Variants in BTBD8 observed in about 807,000 individuals in gnomAD.
The protein encoded by BTBD8 is BTB domain containing 8, also known as BTB/POZ domain-containing protein 8.
In BTBD8, 110 loss-of-function variants were observed where a neutral mutation model predicts 162.9. The observed-to-expected ratio is 0.68, with a 90% CI of 0.58 to 0.79. The LOEUF is 0.79. Among genes scored for constraint, BTBD8 ranks in the 30% least tolerant of loss-of-function variants. The pLI is 0.00. For synonymous variants in BTBD8, 667 were observed against 716.1 expected (o/e 0.93, Z 1.10); for missense variants, 1,905 against 2,085.4 (o/e 0.91, Z 1.68).
In BTBD8 at chr1:92,174,837, T is replaced by G. The variant is rs192141379; in HGVS notation, c.1636-1992T>G. Reference sequence around the variant, plus strand: ...AAAACTAGGACAAGAATCTAGTGGTTGTTTTATCACCGTGCTTTCCTTTTT... The same window carrying G: ...AAAACTAGGACAAGAATCTAGTGGTGGTTTTATCACCGTGCTTTCCTTTTT... On this transcript the variant is annotated intron_variant, in intron 13 of 17. Coordinates refer to ENST00000636805, the MANE Select transcript of BTBD8 (RefSeq NM_001376131.1). 1.8e-3 allele frequency among the ~76,000 whole-genome samples: 266 copies of G among 147,718 alleles called. 3 individuals carry two copies. The highest frequency in any genetic ancestry group is 6.5e-3 in the African/African-American group (243 of 37,340).
intron 1 of BTBD8, among the ~76,000 whole-genome samples, chr1:92,086,947 G>T (rs1648178319): frequency 6.6e-6 from 1 of 152,146 alleles, no homozygotes; most frequent in Non-Finnish European, 1.5e-5. Flanking sequence ...ACTAAGATAG[G>T]TGAATACAGT....
chr1:92,178,301 A>C lies in BTBD8; in HGVS notation c.2442-11A>C. The C allele has an allele frequency of 6.5e-7, 1 of 1,541,218 alleles. No individual in the cohort carries two copies. Among genetic ancestry groups the C allele is most frequent in the Non-Finnish European group, 8.8e-7 (1 of 1,141,858 alleles). ...CTAAGTGTAATACTGAATGCAAATA[A>C]TTTTTTTTAGTGTACTAAAGAAAGT... On this transcript the variant is annotated splice_polypyrimidine_tract_variant and intron_variant, in intron 15 of 17. Coordinates refer to ENST00000636805, the MANE Select transcript of BTBD8 (RefSeq NM_001376131.1).
Position 92,182,361 on chromosome 1 carries a change from A to G in BTBD8, c.4678A>G (p.Ser1560Gly). ...LREDKKVNNG[S>G]NVENDIQQRS... is the part of the protein sequence containing the mutation. ...AGAAGATAAAAAAGTAAACAATGGA[A>G]GCAATGTGGAAAATGACATTCAGCA... The change falls in exon 17 of 18, where the codon AGC (serine) becomes GGC (glycine). Residue 1560 changes from serine to glycine, a missense_variant. Around this residue, in one of 3 missense-constraint regions of BTBD8, gnomAD observed 517 missense variants for 606.6 expected, o/e 0.85. Coordinates refer to ENST00000636805, the MANE Select transcript of BTBD8 (RefSeq NM_001376131.1). 2 of 1,550,466 alleles carry G rather than the reference A, an allele frequency of 1.3e-6. No homozygotes were observed. Among genetic ancestry groups the G allele is most frequent in the Non-Finnish European group, 1.7e-6 (2 of 1,146,630 alleles).
At chr1:92,149,126 T>C (rs1339237589) in intron 9 of BTBD8, among the ~76,000 whole-genome samples, 2 of 152,180 alleles carry the variant, frequency 1.3e-5, no homozygotes, top group Non-Finnish European at 2.9e-5. Context: ...CATGAGGAGT[T>C]ATAGAAGTGA....
At chr1:92,102,805 T>C (rs1648626423) in intron 3 of BTBD8, 136 bp downstream of exon 3, 1 of 725,924 alleles carries the variant, frequency 1.4e-6, no homozygotes, top group African/African-American at 1.8e-5. Context: ...AAAACACTAG[T>C]ATTGTTAACT....
rs1356784678 is a variant in BTBD8, at chr1:92,092,274, C to T, written c.347+3379C>T. Reference sequence around the variant, plus strand: ...AAAATTAGCTGGATGTGGTGGTGTGCACCTAATAGTCCTGGCTACTCAGAA... The same window carrying T: ...AAAATTAGCTGGATGTGGTGGTGTGTACCTAATAGTCCTGGCTACTCAGAA... On this transcript the variant is annotated intron_variant, in intron 2 of 17. Transcript: ENST00000636805. 2.0e-5 allele frequency among the ~76,000 whole-genome samples: 3 copies of T among 151,726 alleles called. No individual in the cohort carries two copies. In the South Asian group the frequency reaches 6.2e-4, roughly 32 times the overall value.
chr1:92,150,497 T>A (rs896572574), intron 9 of BTBD8: 1 of 152,246 alleles, frequency 6.6e-6, no homozygotes, highest in Non-Finnish European at 1.5e-5. Context: ...GTTTTTATAC[T>A]GCATCGCTTA....
intron 4 of BTBD8, chr1:92,125,699 G>C: frequency 2.5e-6 from 1 of 403,376 alleles, no homozygotes; most frequent in Non-Finnish European, 4.8e-6. Flanking sequence ...ATAAGGCAAT[G>C]TCTTTAGCCA....
At chr1:92,133,506 T>A (rs1649560200) in intron 5 of BTBD8, among the ~76,000 whole-genome samples, 1 of 152,226 alleles carries the variant, frequency 6.6e-6, no homozygotes, top group Non-Finnish European at 1.5e-5. Flanking sequence ...CACTGTTGCA[T>A]GTCTGCAGGA....
At chr1:92,174,333 C>A (rs1390069111) in intron 13 of BTBD8, among the ~76,000 whole-genome samples, 2 of 152,050 alleles carry the variant, frequency 1.3e-5, no homozygotes, top group Admixed American at 6.6e-5. Flanking sequence ...AGGCATAGGC[C>A]CAAGCTACCA....
intron 4 of BTBD8, among the ~76,000 whole-genome samples, chr1:92,122,461 G>A (rs1008487731): frequency 1.3e-4 from 20 of 152,240 alleles, no homozygotes; most frequent in Admixed American, 9.8e-4. Flanking sequence ...ATTTCACCAT[G>A]TTGGCCAGGA....
At chr1:92,142,153 T>A (rs559967110) in intron 7 of BTBD8, among the ~76,000 whole-genome samples, 1 of 152,288 alleles carries the variant, frequency 6.6e-6, no homozygotes, top group East Asian at 1.9e-4. Flanking sequence ...TAACGAACCA[T>A]TCACTTCAGC....
chr1:92,182,639 T>G, intron 17 of BTBD8, 44 bp downstream of exon 17: 1 of 1,245,430 alleles, frequency 8.0e-7, no homozygotes, highest in Non-Finnish European at 1.1e-6. Flanking sequence ...AGAAAATAAG[T>G]TTATAAAATT....
chr1:92,123,080 C>T lies in BTBD8; in HGVS notation c.663-6607C>T, dbSNP rs190734992. On this transcript the variant is annotated intron_variant, in intron 4 of 17. Coordinates refer to ENST00000636805, the MANE Select transcript of BTBD8 (RefSeq NM_001376131.1). ...TTTTTCTACAAACATCCTGTTGTTC[C>T]AGTACCTTTTGATGATAAGACTGTC... Among the ~76,000 whole-genome samples the T allele has an allele frequency of 1.5e-3, 229 of 152,226 alleles. 1 individual carries two copies. The highest frequency in any genetic ancestry group is 1.2e-3 in the Non-Finnish European group (85 of 68,014).
In BTBD8 at chr1:92,101,218, T is replaced by C. The variant is rs1390560628; in HGVS notation, c.348-1255T>C. On this transcript the variant is annotated intron_variant, in intron 2 of 17. Transcript: ENST00000636805. ...TTACTTCCACATCACAGGGTAGTTC[T>C]CTCTGAGGAATATTCTGAGTTGTCA... 2.0e-5 allele frequency among the ~76,000 whole-genome samples: 3 copies of C among 152,208 alleles called. No individual in the cohort carries two copies. The East Asian group carries it at 5.8e-4, about 29-fold the overall frequency.
intron 9 of BTBD8, among the ~76,000 whole-genome samples, chr1:92,152,280 A>G (rs764747465): frequency 2.0e-5 from 3 of 152,170 alleles, no homozygotes; most frequent in Non-Finnish European, 2.9e-5. Context: ...GATGAGTACA[A>G]GCATTAAGTT....
At chr1:92,108,741 A>G (rs1648808407) in intron 4 of BTBD8, among the ~76,000 whole-genome samples, 1 of 152,248 alleles carries the variant, frequency 6.6e-6, no homozygotes, top group Admixed American at 6.5e-5. Context: ...GGGTCTCACT[A>G]TGGACTAGAA....
intron 2 of BTBD8, among the ~76,000 whole-genome samples, chr1:92,100,244 G>T (rs945298930): frequency 6.6e-6 from 1 of 152,062 alleles, no homozygotes; most frequent in Non-Finnish European, 1.5e-5. Context: ...AAATTATTTT[G>T]TTGAGGGTTT....
In BTBD8 at chr1:92,184,031, G is replaced by T; in HGVS notation, c.5080G>T (p.Ala1694Ser). ...DMDFEDDQHF[A>S]KQDWTLLKQL... ...GGATTTTGAAGATGACCAACATTTT[G>T]CAAAACAAGATTGGACACTACTAAA... Residue 1694 changes from alanine (A) to serine (S), a missense_variant, in exon 18 of 18, where the codon GCA becomes TCA. By Grantham distance (99) the Ala-to-Ser change is moderately conservative (BLOSUM62 1). Around this residue, in one of 3 missense-constraint regions of BTBD8, gnomAD observed 517 missense variants for 606.6 expected, o/e 0.85. Coordinates refer to ENST00000636805, the MANE Select transcript of BTBD8 (RefSeq NM_001376131.1). 6.4e-7 allele frequency: 1 copy of T among 1,551,554 alleles called. No homozygotes were observed. Among genetic ancestry groups the T allele is most frequent in the East Asian group, 2.4e-5 (1 of 40,918 alleles).
Sources: allele counts gnomAD v4.1 joint callset (sites outside exome capture counted in the v4.1 genomes callset), GRCh38; gene constraint gnomAD v4.1.1; regional missense constraint gnomAD v4.1.1; transcripts MANE v1.5; gene names NCBI Gene and HGNC (gene_info 2026-07-23, HGNC 2026-07-21).